ZNF227: variants seen among roughly 807,000 people sequenced by gnomAD.
ZNF227 encodes zinc finger protein 227.
Under a neutral mutation model 13.2 loss-of-function variants are expected in ZNF227, and 12 were observed. The observed-to-expected ratio is 0.91, with a 90% CI of 0.58 to 1.47. ZNF227 has a LOEUF of 1.47. Among genes scored for constraint, ZNF227 ranks in the 40% most tolerant of loss-of-function variants. The probability of loss-of-function intolerance (pLI) is 0.00; values close to 1 mark genes in which losing one functional copy is unlikely to be tolerated. For synonymous variants in ZNF227, 338 were observed against 326.0 expected (o/e 1.04, Z -0.40); for missense variants, 885 against 967.5 (o/e 0.91, Z 1.13).
chr19:44,231,662 A>G (rs1159678722), intron 5 of ZNF227, among the ~76,000 whole-genome samples: 1 of 152,214 alleles, frequency 6.6e-6, no homozygotes, highest in African/African-American at 2.4e-5. Flanking sequence ...ATTCTTAACA[A>G]AAAACTTACA....
At chr19:44,210,132 G>A (rs1166363307), upstream of ZNF227, among the ~76,000 whole-genome samples, 5 of 152,236 alleles carry the variant, frequency 3.3e-5, no homozygotes, top group Admixed American at 3.3e-4. Flanking sequence ...GTCAATATTA[G>A]TGACTCTTTA....
intron 2 of ZNF227, among the ~76,000 whole-genome samples, chr19:44,216,899 A>T (rs1449238359): frequency 6.6e-6 from 1 of 151,392 alleles, no homozygotes; most frequent in African/African-American, 2.4e-5. Context: ...ATTAAAGGTG[A>T]CTTTCATAGG....
At chr19:44,216,705 T>C (rs950893981) in intron 2 of ZNF227, among the ~76,000 whole-genome samples, 2 of 152,164 alleles carry the variant, frequency 1.3e-5, no homozygotes, top group Non-Finnish European at 1.5e-5. Context: ...TTCTCTTTGC[T>C]GTGTGTTTTT....
chr19:44,228,425 T>G, intron 3 of ZNF227, 21 bp from the exon 4 acceptor site: 1 of 1,605,854 alleles, frequency 6.2e-7, no homozygotes, highest in Non-Finnish European at 8.5e-7. Flanking sequence ...AGATTGAGGT[T>G]ACATGTGTTT....
chr19:44,219,783 A>G (rs1972262199), intron 3 of ZNF227, among the ~76,000 whole-genome samples: 1 of 149,542 alleles, frequency 6.7e-6, no homozygotes, highest in Non-Finnish European at 1.5e-5. Context: ...TTATTTATTT[A>G]TTTATTATTA....
rs1186720718 is a variant in ZNF227 at position 44,236,198 on chromosome 19, A to G, written c.1768A>G (p.Asn590Asp). 1.2e-6 allele frequency: 2 copies of G among 1,613,930 alleles called. No homozygotes were observed. Among genetic ancestry groups the G allele is most frequent in the African/African-American group, 2.7e-5 (2 of 74,870 alleles). ...ECGKGFSWRS[N>D]LHAHQRVHSG... Reference sequence around the variant, plus strand: ...TGGGAAGGGCTTCAGTTGGAGATCAAATCTTCATGCACATCAAAGAGTTCA... The same window carrying G: ...TGGGAAGGGCTTCAGTTGGAGATCAGATCTTCATGCACATCAAAGAGTTCA... Residue 590 changes from asparagine (N) to aspartate (D), a missense_variant, in exon 6 of 6, where the codon AAT (asparagine) becomes GAT (aspartate). Asn to Asp is a conservative substitution (Grantham distance 23). Transcript: ENST00000313040.
At chr19:44,226,060 C>T (rs1397941316) in intron 3 of ZNF227, among the ~76,000 whole-genome samples, 2 of 152,054 alleles carry the variant, frequency 1.3e-5, no homozygotes, top group East Asian at 1.9e-4. Flanking sequence ...GTATCAGCAG[C>T]GGTGGCTGCA....
chr19:44,236,792 A>G lies in ZNF227; in HGVS notation c.2362A>G (p.Thr788Ala), dbSNP rs1362484319. 6 of 1,597,642 alleles carry G rather than the reference A, an allele frequency of 3.8e-6. No individual in the cohort carries two copies. The highest frequency in any genetic ancestry group is 1.1e-5 in the South Asian group (1 of 88,716). The change falls in exon 6 of 6, where the codon ACA becomes GCA. Residue 788 changes from threonine to alanine, a missense_variant. Coordinates refer to ENST00000313040, the MANE Select transcript of ZNF227 (RefSeq NM_182490.3). ...GGACTTCCGTCACCGTTCACGTCTT[A>G]CATATCATCAGAAAGTCCATACTGG... ...DKDFRHRSRL[T>A]YHQKVHTGKK...
chr19:44,225,083 T>C (rs1263800170), intron 3 of ZNF227, among the ~76,000 whole-genome samples: 34 of 151,972 alleles, frequency 2.2e-4, no homozygotes, highest in Non-Finnish European at 4.4e-5. Flanking sequence ...TTTAAGAATG[T>C]TGAATATTGG....
In ZNF227 at chr19:44,221,332, G is replaced by A. The variant is rs375691463; in HGVS notation, c.60+3480G>A. ...TCTAGTTCTAGATCCCTGAGGAATC[G>A]CCACACTGACTTCCACAATGGTTGA... On this transcript the variant is annotated intron_variant, in intron 3 of 5. Transcript: ENST00000313040. 2.0e-3 allele frequency among the ~76,000 whole-genome samples: 302 copies of A among 152,228 alleles called. 2 individuals carry two copies. Among genetic ancestry groups the A allele is most frequent in the East Asian group, 0.011 (55 of 5,154 alleles).
intron 5 of ZNF227, among the ~76,000 whole-genome samples, chr19:44,230,567 C>G (rs929047994): frequency 1.3e-5 from 2 of 152,112 alleles, no homozygotes; most frequent in Admixed American, 1.3e-4. Flanking sequence ...TAGCTCTCCT[C>G]ATTGCCTTGG....
In ZNF227 at chr19:44,235,083, A is replaced by C; in HGVS notation, c.653A>C (p.Lys218Thr). 3 of 1,613,958 alleles carry C rather than the reference A, an allele frequency of 1.9e-6. No homozygotes were observed. Among genetic ancestry groups the C allele is most frequent in the Non-Finnish European group, 2.5e-6 (3 of 1,179,978 alleles). Reference protein sequence around the residue: ...MKKSPFHEHIKTDTEPKPCKG... With the variant: ...MKKSPFHEHITTDTEPKPCKG... Reference sequence around the variant, plus strand: ...AAATCACCATTTCATGAGCATATTAAAACTGACACAGAACCAAAACCCTGC... The same window carrying C: ...AAATCACCATTTCATGAGCATATTACAACTGACACAGAACCAAAACCCTGC... The change falls in exon 6 of 6, where the codon AAA becomes ACA. Residue 218 changes from lysine (K) to threonine (T), a missense_variant. Physicochemically the swap from Lys to Thr is moderately conservative, Grantham distance 78. Coordinates refer to ENST00000313040, the MANE Select transcript of ZNF227 (RefSeq NM_182490.3).
intron 3 of ZNF227, among the ~76,000 whole-genome samples, chr19:44,223,992 A>G (rs1972825362): frequency 6.6e-6 from 1 of 152,198 alleles, no homozygotes; most frequent in Non-Finnish European, 1.5e-5. Flanking sequence ...ACAAAGACAC[A>G]TCTTTATTTC....
intron 3 of ZNF227, chr19:44,227,405 C>T (rs1369839506): frequency 6.6e-6 from 1 of 152,128 alleles, no homozygotes; most frequent in Non-Finnish European, 1.5e-5. Context: ...ATCACCACGC[C>T]TGGCTAATTT....
chr19:44,222,477 A>C (rs867359258), intron 3 of ZNF227, among the ~76,000 whole-genome samples: 4,213 of 151,170 alleles, frequency 0.028, 222 homozygotes, highest in African/African-American at 0.098. Flanking sequence ...GAGGTCCTTC[A>C]CATCCCTTGT....
rs1469885480 is a variant in ZNF227, at chr19:44,236,110, T to G, written c.1680T>G (p.Ser560Arg). 6.2e-7 allele frequency: 1 copy of G among 1,613,766 alleles called. No homozygotes were observed. Among genetic ancestry groups the G allele is most frequent in the Admixed American group, 1.7e-5 (1 of 59,976 alleles). Reference protein sequence around the residue: ...CDVCGKDFSYSSNLKLHQVIH... With the variant: ...CDVCGKDFSYRSNLKLHQVIH... ...TGTGTGGTAAGGACTTCAGTTATAGTTCAAATCTTAAACTACACCAAGTAA... is the reference window on the plus strand; with the variant it reads ...TGTGTGGTAAGGACTTCAGTTATAGGTCAAATCTTAAACTACACCAAGTAA... The change falls in exon 6 of 6, where the codon AGT (serine) becomes AGG (arginine). Residue 560 changes from serine (S) to arginine (R), a missense_variant. By Grantham distance (110) the Ser-to-Arg change is moderately radical (BLOSUM62 -1). Transcript: ENST00000313040.
Position 44,217,859 on chromosome 19 carries a change from A to G in ZNF227, c.60+7A>G. 1 of 1,613,958 alleles carries G rather than the reference A, an allele frequency of 6.2e-7. No homozygotes were observed. The highest frequency in any genetic ancestry group is 1.1e-5 in the South Asian group (1 of 91,070). ...GAAAATGACCAAGTTTCAGGTACGTAAAGGATTCCTTGCTGTCTTTTAAAA... is the reference window on the plus strand; with the variant it reads ...GAAAATGACCAAGTTTCAGGTACGTGAAGGATTCCTTGCTGTCTTTTAAAA... On this transcript the variant is annotated splice_region_variant and intron_variant, in intron 3 of 5. Transcript: ENST00000313040.
At chr19:44,220,393 C>G (rs891368731) in intron 3 of ZNF227, among the ~76,000 whole-genome samples, 1 of 152,104 alleles carries the variant, frequency 6.6e-6, no homozygotes, top group Non-Finnish European at 1.5e-5. Context: ...TACAGTCCCA[C>G]CAACAGTGTA....
rs1413499737 is a variant in ZNF227 at position 44,235,305 on chromosome 19, C to G, written c.875C>G (p.Pro292Arg). 3 of 1,614,152 alleles carry G rather than the reference C, an allele frequency of 1.9e-6. No individual in the cohort carries two copies. Among genetic ancestry groups the G allele is most frequent in the Admixed American group, 1.7e-5 (1 of 60,012 alleles). Residue 292 changes from proline (P) to arginine (R), a missense_variant, in exon 6 of 6, where the codon CCA becomes CGA. By Grantham distance (103) the Pro-to-Arg change is moderately radical. Coordinates refer to ENST00000313040, the MANE Select transcript of ZNF227 (RefSeq NM_182490.3). ...CTGCGAACTCATCAGAGAATTCACC[C>G]AGGAGAGAAACTCAATAGATGTCAT... ...SHLRTHQRIH[P>R]GEKLNRCHES... is the part of the protein sequence containing the mutation.
Sources: gnomAD v4.1 joint callset for allele counts (sites outside exome capture counted in the v4.1 genomes callset) on GRCh38, gnomAD v4.1.1 for gene constraint, MANE v1.5 for transcripts, NCBI Gene and HGNC (gene_info 2026-07-23, HGNC 2026-07-21) for gene names.